KLF16: variants seen among roughly 807,000 people sequenced by gnomAD.
The protein encoded by KLF16 is Krueppel-like factor 16.
KLF16 carries 6 observed loss-of-function variants against 6.1 expected under a neutral mutation model. The ratio of observed to expected loss-of-function variants is 0.98; its 90% CI spans 0.54 to 1.93. KLF16 has a LOEUF of 1.93. Ranked by LOEUF, KLF16 falls within the 30% of genes most tolerant of loss-of-function variation. The pLI is 0.01. For synonymous variants in KLF16, 211 were observed against 176.5 expected, an observed-to-expected ratio of 1.20 and a Z score of -1.55; for missense variants, 355 against 363.8, an observed-to-expected ratio of 0.98 and a Z score of 0.20.
At chr19:1,862,799 T>G in intron 1 of KLF16, 1 of 359,768 alleles carries the variant, frequency 2.8e-6, no homozygotes. Context: ...CAGACCTCGC[T>G]GGGCCCCCGG....
At chr19:1,865,545 C>G (rs1230355511), upstream of KLF16, among the ~76,000 whole-genome samples, 2 of 152,334 alleles carry the variant, frequency 1.3e-5, no homozygotes, top group South Asian at 2.1e-4. Context: ...GGGAGGCTAA[C>G]GATGGGGGGC....
At chr19:1,858,388 C>G (rs1178031349) in intron 1 of KLF16, among the ~76,000 whole-genome samples, 1 of 152,188 alleles carries the variant, frequency 6.6e-6, no homozygotes, top group Non-Finnish European at 1.5e-5. Context: ...TGGTGCCCCC[C>G]AAGCACCCTT....
intron 1 of KLF16, among the ~76,000 whole-genome samples, chr19:1,858,628 G>A (rs1171095052): frequency 6.6e-6 from 1 of 152,106 alleles, no homozygotes; most frequent in African/African-American, 2.4e-5. Flanking sequence ...AAGAGCAAGG[G>A]CAGATAATGT....
At position 1,863,280 on chromosome 19, in the gene KLF16, G is replaced by C; in HGVS notation, c.218C>G (p.Ala73Gly). 1 of 989,114 alleles carries C rather than the reference G, an allele frequency of 1.0e-6. No homozygotes were observed. Among genetic ancestry groups the C allele is most frequent in the Non-Finnish European group, 1.2e-6 (1 of 834,304 alleles). The allele number at this position is 989,114 out of a possible 1,614,324, so 61.3% of individuals were successfully genotyped here. A position where few individuals can be genotyped will look rare whatever the true frequency, so the allele number is the denominator to read the frequency against. Residue 73 changes from alanine (A) to glycine (G), a missense_variant, in exon 1 of 2, where the codon GCC becomes GGC. By Grantham distance (60) the Ala-to-Gly change is moderately conservative (BLOSUM62 0). Transcript: ENST00000250916. Reference protein sequence around the residue: ...PAASGPGPGAAAAPHLLAASI... With the variant: ...PAASGPGPGAGAAPHLLAASI... Reference sequence around the variant, plus strand: ...GGCGGCCAGCAGGTGGGGCGCCGCGGCGGCGCCGGGGCCCGGGCCAGAAGC... The same window carrying C: ...GGCGGCCAGCAGGTGGGGCGCCGCGCCGGCGCCGGGGCCCGGGCCAGAAGC...
intron 1 of KLF16, 34 bp downstream of exon 1, chr19:1,863,006 GC>G (rs2012101347): frequency 1.6e-6 from 2 of 1,236,036 alleles, no homozygotes; most frequent in South Asian, 2.1e-5. Context: ...TCAGGCGGCC[GC>G]CCCCGCAAGG....
the KLF16 span, among the ~76,000 whole-genome samples, chr19:1,872,491 C>T: frequency 6.6e-6 from 1 of 152,176 alleles, no homozygotes. Flanking sequence ...ATAAAGCACC[C>T]CGCCTGGGCC....
chr19:1,868,326 A>G (rs950255429), upstream of KLF16, among the ~76,000 whole-genome samples: 7 of 152,080 alleles, frequency 4.6e-5, no homozygotes, highest in African/African-American at 1.7e-4. Context: ...CGAGGTCAAC[A>G]TCAGGGGTGA....
intron 1 of KLF16, among the ~76,000 whole-genome samples, chr19:1,858,131 A>C (rs1599193247): frequency 6.7e-6 from 1 of 148,380 alleles, no homozygotes; most frequent in Admixed American, 6.7e-5. Flanking sequence ...AGGCATACCC[A>C]CCCTTGTGTC....
upstream of KLF16, among the ~76,000 whole-genome samples, chr19:1,865,658 G>C (rs921850449): frequency 1.3e-5 from 2 of 152,168 alleles, no homozygotes; most frequent in Non-Finnish European, 2.9e-5. Flanking sequence ...GGTTTCAAGT[G>C]AGTGGCCTCA....
chr19:1,862,914 C>T, intron 1 of KLF16, 127 bp downstream of exon 1: 1 of 323,938 alleles, frequency 3.1e-6, no homozygotes, highest in Non-Finnish European at 4.4e-6. Context: ...CCCTGCCGGC[C>T]GGCGCGGCGG....
chr19:1,871,528 T>G, the KLF16 span, among the ~76,000 whole-genome samples: 817 of 152,228 alleles, frequency 5.4e-3, 10 homozygotes, highest in African/African-American at 0.019. Context: ...GTGATAGCCT[T>G]TATTTACATT....
chr19:1,871,560 G>A, the KLF16 span, among the ~76,000 whole-genome samples: 64 of 152,234 alleles, frequency 4.2e-4, no homozygotes, highest in Admixed American at 3.4e-3. Flanking sequence ...TGCATTATGT[G>A]ACCAAAACGC....
In KLF16 at chr19:1,863,490, G is replaced by C; in HGVS notation, c.8C>G (p.Ala3Gly). Residue 3 changes from alanine (A) to glycine (G), a missense_variant, in exon 1 of 2, where the codon GCG (alanine) becomes GGG (glycine). Transcript: ENST00000250916. MS[A>G]AVACVDYFAA... Reference sequence around the variant, plus strand: ...GAAGTAATCCACGCACGCCACGGCCGCCGACATGCCGAGCAAGGGCGCGCG... The same window carrying C: ...GAAGTAATCCACGCACGCCACGGCCCCCGACATGCCGAGCAAGGGCGCGCG... The C allele has an allele frequency of 9.8e-7, 1 of 1,018,634 alleles. No homozygotes were observed. Among genetic ancestry groups the C allele is most frequent in the South Asian group, 3.4e-5 (1 of 29,596 alleles). 63.1% of individuals were successfully genotyped at this position (1,018,634 alleles called of 1,614,324 possible).
chr19:1,861,607 C>G (rs909100479), intron 1 of KLF16: 1 of 152,304 alleles, frequency 6.6e-6, no homozygotes, highest in Non-Finnish European at 1.5e-5. Context: ...CCTGTCTTGA[C>G]GCCCTCGGTT....
rs1428369392 is a variant in KLF16, at chr19:1,857,859, G to A, written c.458-3099C>T. 6.6e-6 allele frequency among the ~76,000 whole-genome samples: 1 copy of A among 152,082 alleles called. No individual in the cohort carries two copies. The highest frequency in any genetic ancestry group is 2.4e-5 in the African/African-American group (1 of 41,408). ...CCCAGGGAAGGGAGGAGCTCCTGAA[G>A]GTGATCCTTGAGCAGGTTCTATAGA... On this transcript the variant is annotated intron_variant, in intron 1 of 1. Transcript: ENST00000250916. The surrounding 1 kb of genome is among the most constrained non-coding windows in gnomAD (Gnocchi z 4.7).
rs536381258 is a variant in KLF16 at position 1,863,228 on chromosome 19, T to C, written c.270A>G (p.Gly90=). The change falls in exon 1 of 2, where the codon GGA becomes GGG. Residue 90 remains glycine, a synonymous_variant. Transcript: ENST00000250916. ...AGGCGCCCCCCGGGGCGGCTCCGGG[T>C]CCGCCGCGCAGGTCGGCCAGGATGC... The part of the protein sequence containing the change: ...AASILADLRG[G]PGAAPGGASP... 5.4e-4 allele frequency: 593 copies of C among 1,091,594 alleles called. 4 individuals carry two copies. In the African/African-American group the frequency reaches 9.7e-3, roughly 18 times the overall value. 67.6% of individuals were successfully genotyped at this position (1,091,594 alleles called of 1,614,324 possible). A position where few individuals can be genotyped will look rare whatever the true frequency, so the allele number is the denominator to read the frequency against.
the KLF16 span, chr19:1,875,910 G>C: frequency 1.3e-5 from 2 of 152,386 alleles, no homozygotes; most frequent in Non-Finnish European, 2.9e-5. Flanking sequence ...GGCGTCCCCT[G>C]CTCTAGCGAG....
the KLF16 span, among the ~76,000 whole-genome samples, chr19:1,873,214 C>T: frequency 7.2e-5 from 11 of 152,204 alleles, no homozygotes; most frequent in South Asian, 2.1e-4. Context: ...GCAGCCACAG[C>T]GTCATAAGAG....
chr19:1,866,863 T>G (rs575442624), upstream of KLF16, among the ~76,000 whole-genome samples: 82 of 150,748 alleles, frequency 5.4e-4, no homozygotes, highest in African/African-American at 2.0e-3. Flanking sequence ...AGCCGGCTCC[T>G]GCTCACAGCT....
Sources: allele counts gnomAD v4.1 joint callset (sites outside exome capture counted in the v4.1 genomes callset), GRCh38; gene constraint gnomAD v4.1.1; non-coding constraint Gnocchi (gnomAD v3.1); transcripts MANE v1.5; gene names NCBI Gene and HGNC (gene_info 2026-07-23, HGNC 2026-07-21).